The following ZFR variants were observed in gnomAD, a reference collection of about 807,000 sequenced individuals.
The protein encoded by ZFR is zinc finger RNA binding protein.
ZFR carries 19 observed loss-of-function variants against 130.7 expected under a neutral mutation model. The observed-to-expected ratio is 0.15, with a 90% CI of 0.10 to 0.21. The LOEUF is 0.21. Among genes scored for constraint, ZFR ranks in the 10% least tolerant of loss-of-function variants. The pLI, the probability that ZFR is intolerant of heterozygous loss-of-function variation, is 1.00. For synonymous variants in ZFR, 466 were observed against 456.9 expected (o/e 1.02, Z -0.25); for missense variants, 872 against 1,321.5 (o/e 0.66, Z 5.27).
chr5:32,380,196 AT>A (rs1401221255), intron 15 of ZFR, 24 bp from the exon 16 acceptor site: 2 of 1,589,356 alleles, frequency 1.3e-6, no homozygotes, highest in Non-Finnish European at 1.7e-6. Context: ...AATTGGCAAA[AT>A]GCAGTGAGGA....
At chr5:32,442,891 T>C (rs1211525176) in intron 2 of ZFR, among the ~76,000 whole-genome samples, 2 of 152,188 alleles carry the variant, frequency 1.3e-5, no homozygotes, top group Non-Finnish European at 2.9e-5. Flanking sequence ...AACTATATGA[T>C]GTTCCCAACG....
intron 17 of ZFR, among the ~76,000 whole-genome samples, chr5:32,377,673 A>G (rs1377486324): frequency 1.3e-5 from 2 of 152,134 alleles, no homozygotes; most frequent in African/African-American, 4.8e-5. Flanking sequence ...TTAAAGAAAT[A>G]CAAAAAATTA....
At chr5:32,429,602 A>G (rs776410481) in intron 2 of ZFR, among the ~76,000 whole-genome samples, 1 of 152,232 alleles carries the variant, frequency 6.6e-6, no homozygotes, top group Non-Finnish European at 1.5e-5. Context: ...GCATGGGACC[A>G]GAAGTTTCCG....
intron 8 of ZFR, among the ~76,000 whole-genome samples, chr5:32,401,916 T>G (rs1753456693): frequency 6.6e-6 from 1 of 152,022 alleles, no homozygotes; most frequent in Non-Finnish European, 1.5e-5. Flanking sequence ...AACAAAGAAA[T>G]AATGTTAGTG....
intron 3 of ZFR, 135 bp from the exon 4 acceptor site, chr5:32,417,927 T>C: frequency 1.3e-6 from 1 of 796,236 alleles, no homozygotes; most frequent in East Asian, 2.5e-5. Context: ...CATAAAAGAA[T>C]CAAATTAAAT....
intron 5 of ZFR, among the ~76,000 whole-genome samples, chr5:32,409,562 T>C (rs1257143397): frequency 1.3e-5 from 2 of 151,704 alleles, no homozygotes; most frequent in Non-Finnish European, 2.9e-5. Context: ...TGTACCACCA[T>C]ACCTGGCTCA....
At chr5:32,390,091 C>T (rs1038834316) in intron 12 of ZFR, among the ~76,000 whole-genome samples, 184 bp downstream of exon 12, 4 of 152,142 alleles carry the variant, frequency 2.6e-5, no homozygotes, top group Non-Finnish European at 4.4e-5. Context: ...GCGCACGTTA[C>T]GTGCAGTGAG....
chr5:32,385,560 G>A lies in ZFR; in HGVS notation c.2589C>T (p.Val863=), dbSNP rs1753025996. ...LNSCVEPKMQ[V]TITLTSPIIR... ...TAATTGGAGATGTCAGTGTGATAGTGACTTGCATTTTGGGTTCCACACATG... is the reference window on the plus strand; with the variant it reads ...TAATTGGAGATGTCAGTGTGATAGTAACTTGCATTTTGGGTTCCACACATG... Residue 863 remains valine (V), a synonymous_variant, in exon 15 of 20, where the codon GTC becomes GTT. Transcript: ENST00000265069. 6.2e-7 allele frequency: 1 copy of A among 1,613,294 alleles called. No individual in the cohort carries two copies. The highest frequency in any genetic ancestry group is 1.3e-5 in the African/African-American group (1 of 74,862).
intron 2 of ZFR, among the ~76,000 whole-genome samples, chr5:32,424,520 G>A (rs866972578): frequency 6.9e-5 from 10 of 145,178 alleles, no homozygotes; most frequent in African/African-American, 2.3e-4. Flanking sequence ...GTGAAAGAGC[G>A]AGACTCCGTC....
intron 4 of ZFR, among the ~76,000 whole-genome samples, chr5:32,417,071 A>C: frequency 1.1e-5 from 1 of 94,240 alleles, no homozygotes. Context: ...CCACCCCAAG[A>C]ACTGCCCACT....
chr5:32,417,505 A>ATT, intron 4 of ZFR, 143 bp downstream of exon 4: 1 of 924,342 alleles, frequency 1.1e-6, no homozygotes, highest in Non-Finnish European at 1.6e-6. Flanking sequence ...ACTCCAAGGC[A>ATT]TTTAGTAGGA....
In ZFR at chr5:32,417,737, T is replaced by G; in HGVS notation, c.476A>C (p.Gln159Pro). 2 of 1,613,948 alleles carry G rather than the reference T, an allele frequency of 1.2e-6. No homozygotes were observed. Among genetic ancestry groups the G allele is most frequent in the Non-Finnish European group, 1.7e-6 (2 of 1,179,824 alleles). ...TAPAVAYDSKQYYQQPTATAA... is the reference protein window; with the variant it reads ...TAPAVAYDSKPYYQQPTATAA... ...AGTTGCTGTTGGTTGTTGGTAGTAT[T>G]GCTTACTATCATAAGCTACAGCAGG... Residue 159 changes from glutamine to proline, a missense_variant, in exon 4 of 20, where the codon CAA becomes CCA. Around this residue, in one of 7 missense-constraint regions of ZFR, gnomAD observed 240 missense variants for 441.2 expected, o/e 0.54. Coordinates refer to ENST00000265069, the MANE Select transcript of ZFR (RefSeq NM_016107.5).
At chr5:32,389,047 G>T (rs1438104879) in intron 12 of ZFR, among the ~76,000 whole-genome samples, 1 of 152,220 alleles carries the variant, frequency 6.6e-6, no homozygotes, top group Non-Finnish European at 1.5e-5. Context: ...TGAGAGAACA[G>T]GTTAAGGAAG....
rs77085626 is a variant in ZFR, at chr5:32,395,411, G to C, written c.1834-107C>G. On this transcript the variant is annotated intron_variant, in intron 10 of 19. Coordinates refer to ENST00000265069, the MANE Select transcript of ZFR (RefSeq NM_016107.5). ...TCTTTAATCACGGAGGCTTTTAGTT[G>C]CAAGTTTCCCACTAGAGAGTAAAAT... 18 of 867,952 alleles carry C rather than the reference G, an allele frequency of 2.1e-5. No individual in the cohort carries two copies. The South Asian group carries it at 6.4e-4, about 31-fold the overall frequency. The allele number at this position is 867,952 out of a possible 1,614,324, so 53.8% of individuals were successfully genotyped here.
At chr5:32,387,394 T>C (rs1330495038) in intron 14 of ZFR, among the ~76,000 whole-genome samples, 155 bp downstream of exon 14, 38 of 152,098 alleles carry the variant, frequency 2.5e-4, no homozygotes, top group Non-Finnish European at 5.9e-5. Context: ...AGAAAATAGT[T>C]TCATCAGTTT....
chr5:32,422,798 C>CAAAAAAAAAAAAAAAAA (rs10693151), intron 2 of ZFR, among the ~76,000 whole-genome samples: 4 of 24,006 alleles, frequency 1.7e-4, no homozygotes, highest in African/African-American at 4.4e-4. Flanking sequence ...AAACCTGTCT[C>CAAAAAAAAAAAAAAAAA]AAAAAAAAAA....
At chr5:32,410,607 C>A (rs1465507082) in intron 5 of ZFR, among the ~76,000 whole-genome samples, 5 of 150,098 alleles carry the variant, frequency 3.3e-5, no homozygotes, top group African/African-American at 7.3e-5. Flanking sequence ...GACCTAGTCT[C>A]AAAAAAAAAA....
intron 17 of ZFR, among the ~76,000 whole-genome samples, chr5:32,370,417 G>C (rs1752646447): frequency 6.6e-6 from 1 of 151,706 alleles, no homozygotes; most frequent in African/African-American, 2.4e-5. Context: ...CTGTCGCCCA[G>C]GGTGAAGTGC....
intron 2 of ZFR, among the ~76,000 whole-genome samples, chr5:32,441,683 C>T (rs934096829): frequency 5.3e-5 from 8 of 152,196 alleles, no homozygotes; most frequent in Admixed American, 5.2e-4. Context: ...ATTAGCATCA[C>T]CACCACACTT....
Sources: gnomAD v4.1 joint callset for allele counts (sites outside exome capture counted in the v4.1 genomes callset) on GRCh38, gnomAD v4.1.1 for gene constraint, gnomAD v4.1.1 regional missense constraint, MANE v1.5 for transcripts, NCBI Gene and HGNC (gene_info 2026-07-23, HGNC 2026-07-21) for gene names.